Variants in RYR2 observed in about 807,000 individuals in gnomAD.
The protein encoded by RYR2 is ryanodine receptor 2.
In RYR2, 227 loss-of-function variants were observed where a neutral mutation model predicts 601.1. The ratio of observed to expected loss-of-function variants is 0.38; its 90% confidence interval spans 0.34 to 0.42. RYR2 has a LOEUF of 0.42. RYR2 is among the 10% of genes least tolerant of loss of function. The pLI, the probability that RYR2 is intolerant of heterozygous loss-of-function variation, is 1.00. For missense variants in RYR2, 4,646 were observed against 6,156.5 expected, an observed-to-expected ratio of 0.75 and a Z score of 8.21; for synonymous variants, 2,223 against 2,175.1, an observed-to-expected ratio of 1.02 and a Z score of -0.61.
Position 237,700,792 on chromosome 1 carries a change from T to C in RYR2, c.9367+325T>C, listed in dbSNP as rs150166340. On this transcript the variant is annotated intron_variant, in intron 65 of 104. Transcript: ENST00000366574. ...AACGTTTTAATGCAGTTGAACCATA[T>C]AACATGCAACAGTAAATGTTTTCAA... Among the ~76,000 whole-genome samples, 224 of 152,308 alleles carry C rather than the reference T, an allele frequency of 1.5e-3. 5 individuals are homozygous for C. In the East Asian group the frequency reaches 0.036, roughly 25 times the overall value.
At chr1:237,110,240 G>A (rs1303741958) in intron 1 of RYR2, among the ~76,000 whole-genome samples, 1 of 150,188 alleles carries the variant, frequency 6.7e-6, no homozygotes, top group Non-Finnish European at 1.5e-5. Flanking sequence ...TGATTAGGTG[G>A]GTCTGAGGTG....
chr1:237,487,761 T>C (rs1440393307), intron 17 of RYR2, among the ~76,000 whole-genome samples: 1 of 150,978 alleles, frequency 6.6e-6, no homozygotes, highest in East Asian at 1.9e-4. Context: ...TAAACCAGGG[T>C]TATTCTTGAG....
At chr1:237,672,225 T>G (rs775432212) in intron 58 of RYR2, among the ~76,000 whole-genome samples, 10 of 152,168 alleles carry the variant, frequency 6.6e-5, no homozygotes, top group Non-Finnish European at 1.3e-4. Flanking sequence ...TCAGAGTTAG[T>G]GGGTACTTTG....
At chr1:237,595,856 A>G (rs1406613929) in intron 34 of RYR2, among the ~76,000 whole-genome samples, 199 bp downstream of exon 34, 1 of 152,168 alleles carries the variant, frequency 6.6e-6, no homozygotes, top group Non-Finnish European at 1.5e-5. Context: ...TGACCTGAGA[A>G]ACAGGTCTCA....
chr1:237,174,601 A>G (rs753260393), intron 1 of RYR2, among the ~76,000 whole-genome samples: 1 of 152,160 alleles, frequency 6.6e-6, no homozygotes, highest in Non-Finnish European at 1.5e-5. Context: ...GTGAGTGGCC[A>G]TTGCCTACTT....
chr1:237,239,820 T>TAGCC, intron 1 of RYR2, among the ~76,000 whole-genome samples: 1 of 152,348 alleles, frequency 6.6e-6, no homozygotes, highest in Admixed American at 6.5e-5. Context: ...TTTCAGCAGT[T>TAGCC]TCTGGACTAG....
intron 10 of RYR2, among the ~76,000 whole-genome samples, chr1:237,400,817 T>C (rs947949966): frequency 6.6e-6 from 1 of 151,958 alleles, no homozygotes; most frequent in African/African-American, 2.4e-5. Flanking sequence ...AGGAAGGAGA[T>C]CAGGGAAATG....
At chr1:237,499,800 T>C (rs1400651860) in intron 20 of RYR2, among the ~76,000 whole-genome samples, 2 of 152,352 alleles carry the variant, frequency 1.3e-5, no homozygotes, top group East Asian at 3.9e-4. Flanking sequence ...TCTATTTTTG[T>C]CTTTGCTCAA....
In RYR2 at chr1:237,668,552, C is replaced by T. The variant is rs188644314; in HGVS notation, c.8590+594C>T. 2.3e-3 allele frequency among the ~76,000 whole-genome samples: 357 copies of T among 152,324 alleles called. 2 individuals are homozygous for T. Among genetic ancestry groups the T allele is most frequent in the Non-Finnish European group, 3.9e-3 (266 of 68,016 alleles). ...ATAATGTGGTGTCTGTGTGTGTGCG[C>T]GCATATGCGCTGTCGTTAATGACTT... On this transcript the variant is annotated intron_variant, in intron 58 of 104. Transcript: ENST00000366574.
At chr1:237,463,122 G>A (rs754020191) in intron 16 of RYR2, among the ~76,000 whole-genome samples, 15 of 152,036 alleles carry the variant, frequency 9.9e-5, no homozygotes, top group Non-Finnish European at 2.1e-4. Context: ...TCAGGCTTAG[G>A]AGCATCTACT....
chr1:237,275,491 A>AT (rs60944575), intron 2 of RYR2, among the ~76,000 whole-genome samples: 17,770 of 150,254 alleles, frequency 0.12, 1,762 homozygotes, highest in African/African-American at 0.28. Flanking sequence ...ACAAAGAAGG[A>AT]TTTTTTTTTT....
Position 237,106,370 on chromosome 1 carries a change from A to G in RYR2, c.48+63801A>G, listed in dbSNP as rs1303997981. On this transcript the variant is annotated intron_variant, in intron 1 of 104. Coordinates refer to ENST00000366574, the MANE Select transcript of RYR2 (RefSeq NM_001035.3). This position sits in a 1 kb window ranked among gnomAD's most constrained non-coding sequence, Gnocchi z 4.4. Reference sequence around the variant, plus strand: ...GGCACCGAGCAGCAGGACCCTGGATATTTTTTTGGACATAGAGCCAGGAGG... The same window carrying G: ...GGCACCGAGCAGCAGGACCCTGGATGTTTTTTTGGACATAGAGCCAGGAGG... 6.6e-6 allele frequency among the ~76,000 whole-genome samples: 1 copy of G among 151,950 alleles called. No individual in the cohort carries two copies. Among genetic ancestry groups the G allele is most frequent in the Admixed American group, 6.5e-5 (1 of 15,274 alleles).
intron 84 of RYR2, 71 bp downstream of exon 84, chr1:237,761,099 C>T: frequency 2.4e-6 from 2 of 845,030 alleles, no homozygotes; most frequent in Admixed American, 4.6e-5. Flanking sequence ...TTATCAATTA[C>T]CTTTCAAGTA....
intron 77 of RYR2, among the ~76,000 whole-genome samples, chr1:237,731,214 G>T (rs1369145917): frequency 1.3e-5 from 2 of 152,090 alleles, no homozygotes; most frequent in African/African-American, 4.8e-5. Flanking sequence ...TTACAGGAAA[G>T]AACACCATTC....
chr1:237,099,386 C>T (rs139574311), intron 1 of RYR2, among the ~76,000 whole-genome samples: 8 of 152,228 alleles, frequency 5.3e-5, no homozygotes, highest in Non-Finnish European at 8.8e-5. Flanking sequence ...CATAAGTGCA[C>T]ACCACCATGC....
intron 66 of RYR2, among the ~76,000 whole-genome samples, chr1:237,703,900 C>G (rs1316164364): frequency 2.0e-5 from 3 of 151,904 alleles, no homozygotes; most frequent in African/African-American, 7.2e-5. Flanking sequence ...TACTAGGATA[C>G]AGAAATAAAC....
At chr1:237,105,527 T>G (rs1013421147) in intron 1 of RYR2, among the ~76,000 whole-genome samples, 1 of 152,076 alleles carries the variant, frequency 6.6e-6, no homozygotes. Flanking sequence ...TGAAAACCTG[T>G]CTCTACTAAA....
intron 2 of RYR2, among the ~76,000 whole-genome samples, chr1:237,306,595 C>A (rs745451441): frequency 5.3e-5 from 8 of 151,840 alleles, no homozygotes; most frequent in Admixed American, 1.3e-4. Flanking sequence ...ATTATTTGAC[C>A]TTTTGTGTGA....
At chr1:237,147,764 C>T (rs560046555) in intron 1 of RYR2, among the ~76,000 whole-genome samples, 49 of 152,322 alleles carry the variant, frequency 3.2e-4, no homozygotes, top group African/African-American at 1.1e-3. Context: ...GAATCCTTTG[C>T]GATCCCGCAA....
Sources: allele counts gnomAD v4.1 joint callset (sites outside exome capture counted in the v4.1 genomes callset), GRCh38; gene constraint gnomAD v4.1.1; non-coding constraint Gnocchi (gnomAD v3.1); transcripts MANE v1.5; gene names NCBI Gene and HGNC (gene_info 2026-07-23, HGNC 2026-07-21).